The following CCDC127 variants were observed in gnomAD, a reference collection of about 807,000 sequenced individuals.
The protein encoded by CCDC127 is coiled-coil domain-containing protein 127.
In CCDC127, 2 loss-of-function variants were observed where a neutral mutation model predicts 4.1. That is an observed-to-expected ratio of 0.49 (90% CI 0.20 to 1.53). The LOEUF is 1.53. Among genes scored for constraint, CCDC127 ranks in the 40% most tolerant of loss-of-function variants. CCDC127 has a pLI of 0.23. For synonymous variants in CCDC127, 98 were observed against 120.4 expected (o/e 0.81, Z 1.22); for missense variants, 271 against 322.9 (o/e 0.84, Z 1.23).
intron 2 of CCDC127, among the ~76,000 whole-genome samples, chr5:210,940 G>A (rs1579361062): frequency 1.4e-5 from 1 of 72,192 alleles, no homozygotes; most frequent in Non-Finnish European, 2.4e-5. Context: ...GCTGATGCTC[G>A]ACATCGCACA....
chr5:210,671 G>A (rs1734267711), intron 2 of CCDC127, among the ~76,000 whole-genome samples: 1 of 136,890 alleles, frequency 7.3e-6, no homozygotes. Flanking sequence ...GCTGATGCTC[G>A]ACATCGCACA....
rs749443514 is a variant in CCDC127 at position 216,781 on chromosome 5, TC to T, written c.68del (p.Gly23GlufsTer30). On this transcript the variant is annotated frameshift_variant, in exon 2 of 3. Coordinates refer to ENST00000296824, the MANE Select transcript of CCDC127 (RefSeq NM_145265.3). LOFTEE classifies it high-confidence loss of function. ...RPNSRADGGD[G>X]SRWNYALLVP... The stretch of plus-strand genomic sequence containing the variant: ...CCAACAGGGCATAATTCCACCTGCT[TC>T]CATCACCACCATCCGCCCTGGAATT... 6 of 1,611,348 alleles carry T rather than the reference TC, an allele frequency of 3.7e-6. No individual in the cohort carries two copies. The East Asian group carries it at 8.9e-5, about 24-fold the overall frequency.
intron 2 of CCDC127, among the ~76,000 whole-genome samples, chr5:206,485 C>T (rs1333627564): frequency 6.6e-6 from 1 of 152,216 alleles, no homozygotes; most frequent in African/African-American, 2.4e-5. Context: ...ACGAAGATTG[C>T]TGGGAGGCTG....
At chr5:215,541 T>TA (rs1253489605) in intron 2 of CCDC127, 2 of 152,254 alleles carry the variant, frequency 1.3e-5, no homozygotes, top group East Asian at 3.9e-4. Context: ...CTCCAAGTGT[T>TA]AAGGGTTTTT....
chr5:213,454 A>G (rs1734314769), intron 2 of CCDC127, among the ~76,000 whole-genome samples: 2 of 110,902 alleles, frequency 1.8e-5, no homozygotes, highest in African/African-American at 4.3e-5. Context: ...GACATCGCAC[A>G]CTGCAGCCAC....
In CCDC127 at chr5:203,397, G is replaced by A. The variant is rs985998926; in HGVS notation, c.*1900C>T. 4 of 152,196 alleles carry A rather than the reference G, an allele frequency of 2.6e-5. No homozygotes were observed. The highest frequency in any genetic ancestry group is 9.7e-5 in the African/African-American group (4 of 41,448). The allele number at this position is 152,196 out of a possible 1,614,324, so 9.4% of individuals were successfully genotyped here. A position where few individuals can be genotyped will look rare whatever the true frequency, so the allele number is the denominator to read the frequency against. ...TGGGTGAAGCATCTGAGCACCCTTA[G>A]CAGGGCGTGGGTGCCGAGAGCAGAG... On this transcript the variant is annotated 3_prime_UTR_variant, in exon 3 of 3. Transcript: ENST00000296824.
At position 203,576 on chromosome 5, in the gene CCDC127, C is replaced by T. The variant is rs1446718419; in HGVS notation, c.*1721G>A. ...CATGCACTCCATGAATAGTGGCTCT[C>T]ATACTGCCACGTGGGCTCTATGAGC... is the stretch of plus-strand genomic sequence containing the variant. On this transcript the variant is annotated 3_prime_UTR_variant, in exon 3 of 3. Transcript: ENST00000296824. 1 of 152,300 alleles carries T rather than the reference C, an allele frequency of 6.6e-6. No homozygotes were observed. The highest frequency in any genetic ancestry group is 1.5e-5 in the Non-Finnish European group (1 of 68,070). 9.4% of individuals were successfully genotyped at this position (152,300 alleles called of 1,614,324 possible).
At chr5:210,053 C>G (rs765255964) in intron 2 of CCDC127, among the ~76,000 whole-genome samples, 54 of 152,190 alleles carry the variant, frequency 3.5e-4, no homozygotes, top group Non-Finnish European at 7.2e-4. Context: ...AACAGAGTCC[C>G]AGAAGCTCCA....
At chr5:211,230 C>T (rs1289980275) in intron 2 of CCDC127, among the ~76,000 whole-genome samples, 1,244 of 72,268 alleles carry the variant, frequency 0.017, 3 homozygotes, top group African/African-American at 0.072. Flanking sequence ...GCAGCCATGA[C>T]GAGACAGCAC....
Position 205,914 on chromosome 5 carries a change from T to C in CCDC127, c.166A>G (p.Arg56Gly). The C allele has an allele frequency of 6.2e-7, 1 of 1,613,900 alleles. No homozygotes were observed. Among genetic ancestry groups the C allele is most frequent in the Non-Finnish European group, 8.5e-7 (1 of 1,179,862 alleles). ...RESQKEVEKE[R>G]EAYRRRTAAF... ...GCAGTTCTCCGACGGTAGGCTTCTC[T>C]CTCTTTTTCTACTTCTTTCTGGGAC... is the stretch of plus-strand genomic sequence containing the variant. Residue 56 changes from arginine to glycine, a missense_variant, in exon 3 of 3, where the codon AGA (arginine) becomes GGA (glycine). Arg to Gly is a moderately radical substitution (Grantham distance 125). Around this residue, in one of 2 missense-constraint regions of CCDC127, gnomAD observed 265 missense variants for 270.9 expected, o/e 0.98. Transcript: ENST00000296824.
At position 198,136 on chromosome 5, in the gene CCDC127, G is replaced by A. The variant is rs967875888; in HGVS notation, c.*7161C>T. ...CCGTACAGGAGCCTGCCTCCCGGGG[G>A]CGTCTCAGGAATGGACGGCCTCCTG... On this transcript the variant is annotated 3_prime_UTR_variant, in exon 3 of 3. Coordinates refer to ENST00000296824, the MANE Select transcript of CCDC127 (RefSeq NM_145265.3). The A allele has an allele frequency of 8.5e-5, 13 of 152,314 alleles. No individual in the cohort carries two copies. The highest frequency in any genetic ancestry group is 2.4e-4 in the African/African-American group (10 of 41,470). 9.4% of individuals were successfully genotyped at this position (152,314 alleles called of 1,614,324 possible).
chr5:213,991 A>G (rs1469692309), intron 2 of CCDC127: 2 of 152,380 alleles, frequency 1.3e-5, no homozygotes, highest in South Asian at 2.1e-4. Context: ...CATGTCATAA[A>G]ACACGACTCA....
chr5:215,091 A>C (rs1734354097), intron 2 of CCDC127: 1 of 152,186 alleles, frequency 6.6e-6, no homozygotes, highest in South Asian at 2.1e-4. Flanking sequence ...TCTCATCAAT[A>C]AATCAACCAA....
chr5:197,039 G>C lies in CCDC127; in HGVS notation c.*8258C>G, dbSNP rs1227097486. 1 of 151,198 alleles carries C rather than the reference G, an allele frequency of 6.6e-6. No individual in the cohort carries two copies. 9.4% of individuals were successfully genotyped at this position (151,198 alleles called of 1,614,324 possible). Reference sequence around the variant, plus strand: ...AAGGAGGAGGTCAGCAAAAACGTGTGAGCAAAAGAATCTATGTCGTAATTA... The same window carrying C: ...AAGGAGGAGGTCAGCAAAAACGTGTCAGCAAAAGAATCTATGTCGTAATTA... On this transcript the variant is annotated 3_prime_UTR_variant, in exon 3 of 3. Transcript: ENST00000296824.
In CCDC127 at chr5:213,167, A is replaced by G. The variant is rs370032694; in HGVS notation, c.121+3562T>C. On this transcript the variant is annotated intron_variant, in intron 2 of 2. Coordinates refer to ENST00000296824, the MANE Select transcript of CCDC127 (RefSeq NM_145265.3). ...GCAGACGGGACAGCAGTGTGAGCACACTGATGCTCGACATCGAATACTGCA... is the reference window on the plus strand; with the variant it reads ...GCAGACGGGACAGCAGTGTGAGCACGCTGATGCTCGACATCGAATACTGCA... Among the ~76,000 whole-genome samples the G allele has an allele frequency of 6.6e-3, 397 of 60,140 alleles. 1 individual carries two copies. The highest frequency in any genetic ancestry group is 8.1e-3 in the South Asian group (15 of 1,846). 39.5% of individuals were successfully genotyped at this position (60,140 alleles called of 152,430 possible). A position where few individuals can be genotyped will look rare whatever the true frequency, so the allele number is the denominator to read the frequency against.
At chr5:215,561 C>G (rs549130113) in intron 2 of CCDC127, 2 of 152,192 alleles carry the variant, frequency 1.3e-5, no homozygotes, top group South Asian at 2.1e-4. Flanking sequence ...TTTTCCCAAG[C>G]CTGCAGGCGG....
chr5:197,240 GT>G lies in CCDC127; in HGVS notation c.*8056del, dbSNP rs1053331748. 2 of 152,196 alleles carry G rather than the reference GT, an allele frequency of 1.3e-5. No individual in the cohort carries two copies. Among genetic ancestry groups the G allele is most frequent in the Non-Finnish European group, 2.9e-5 (2 of 68,028 alleles). 9.4% of individuals were successfully genotyped at this position (152,196 alleles called of 1,614,324 possible). A position where few individuals can be genotyped will look rare whatever the true frequency, so the allele number is the denominator to read the frequency against. ...CAGAGTTGAACAAATGTACAATCGG[GT>G]TTTACACCGCGACATTCAGTTCCCA... On this transcript the variant is annotated 3_prime_UTR_variant, in exon 3 of 3. Transcript: ENST00000296824.
intron 2 of CCDC127, among the ~76,000 whole-genome samples, chr5:208,005 G>A (rs1471860720): frequency 6.6e-6 from 1 of 152,166 alleles, no homozygotes; most frequent in Non-Finnish European, 1.5e-5. Context: ...GGCAGGGGAG[G>A]CTACAGGCAG....
In CCDC127 at chr5:197,539, C is replaced by T. The variant is rs1383101272; in HGVS notation, c.*7758G>A. On this transcript the variant is annotated 3_prime_UTR_variant, in exon 3 of 3. Coordinates refer to ENST00000296824, the MANE Select transcript of CCDC127 (RefSeq NM_145265.3). ...ATAGCGATGACTTTTACCAAGCATA[C>T]TGCTTGTAAACATTTTGTTAACAAG... The T allele has an allele frequency of 2.6e-5, 4 of 152,266 alleles. No homozygotes were observed. Among genetic ancestry groups the T allele is most frequent in the African/African-American group, 4.8e-5 (2 of 41,446 alleles). The allele number at this position is 152,266 out of a possible 1,614,324, so 9.4% of individuals were successfully genotyped here.
Sources: allele counts gnomAD v4.1 joint callset (sites outside exome capture counted in the v4.1 genomes callset), GRCh38; gene constraint gnomAD v4.1.1; regional missense constraint gnomAD v4.1.1; transcripts MANE v1.5; gene names NCBI Gene and HGNC (gene_info 2026-07-23, HGNC 2026-07-21).